Variants in PDE11A observed in about 807,000 individuals in gnomAD.
PDE11A encodes the protein dual 3',5'-cyclic-AMP and -GMP phosphodiesterase 11A.
Under a neutral mutation model 100.5 loss-of-function variants are expected in PDE11A, and 100 were observed. That is an observed-to-expected ratio of 1.00 (90% confidence interval 0.85 to 1.18). The LOEUF is 1.18. PDE11A is among the 50% of genes most tolerant of loss of function. The pLI is 0.00. For missense variants in PDE11A, 1,141 were observed against 1,152.6 expected (o/e 0.99, Z 0.15); for synonymous variants, 381 against 420.8 (o/e 0.91, Z 1.16).
chr2:177,853,303 A>G (rs1366107535), intron 5 of PDE11A, among the ~76,000 whole-genome samples: 1 of 152,102 alleles, frequency 6.6e-6, no homozygotes, highest in African/African-American at 2.4e-5. Context: ...TGAAGGCTGC[A>G]TAGCGCATAG....
chr2:177,847,990 TTGTGTGTG>T (rs749800668), intron 5 of PDE11A, among the ~76,000 whole-genome samples: 1 of 147,810 alleles, frequency 6.8e-6, no homozygotes, highest in African/African-American at 2.4e-5. Flanking sequence ...AATGGTGTGT[TTGTGTGTG>T]TGTGTGTGTG....
chr2:177,931,143 C>T (rs535095223), intron 2 of PDE11A, among the ~76,000 whole-genome samples: 27 of 150,864 alleles, frequency 1.8e-4, no homozygotes, highest in Non-Finnish European at 2.4e-4. Flanking sequence ...ACAACAAGAG[C>T]GAAACTCCGT....
chr2:177,634,554 AT>A (rs1295896874), intron 19 of PDE11A, among the ~76,000 whole-genome samples: 1 of 151,604 alleles, frequency 6.6e-6, no homozygotes, highest in African/African-American at 2.4e-5. Context: ...CGCCTGGCTA[AT>A]TTTTTTGTAT....
At chr2:177,788,122 G>A (rs2082568475) in intron 9 of PDE11A, among the ~76,000 whole-genome samples, 1 of 151,818 alleles carries the variant, frequency 6.6e-6, no homozygotes, top group African/African-American at 2.4e-5. Context: ...TTCCAAAATT[G>A]ACCACATAGT....
At chr2:177,899,637 A>AATATATATATATATATATATATATATAT (rs3037901) in intron 3 of PDE11A, 1 of 203,204 alleles carries the variant, frequency 4.9e-6, no homozygotes, top group African/African-American at 2.5e-5. Flanking sequence ...CAGATTCTTA[A>AATATATATATATATATATATATATATAT]ATATATATAT....
At chr2:177,977,312 C>A (rs939635395) in intron 2 of PDE11A, among the ~76,000 whole-genome samples, 2 of 146,360 alleles carry the variant, frequency 1.4e-5, no homozygotes, top group African/African-American at 5.0e-5. Context: ...AAACAGAGAG[C>A]CAAATCATGG....
intron 2 of PDE11A, among the ~76,000 whole-genome samples, chr2:177,970,110 A>G (rs2085751645): frequency 6.6e-6 from 1 of 152,208 alleles, no homozygotes; most frequent in African/African-American, 2.4e-5. Context: ...AAAAATTCCA[A>G]CGTAAATCAA....
At chr2:177,879,808 A>G (rs2084299707) in intron 4 of PDE11A, among the ~76,000 whole-genome samples, 1 of 152,236 alleles carries the variant, frequency 6.6e-6, no homozygotes, top group East Asian at 1.9e-4. Context: ...TCTTAATGAA[A>G]TGACAGGATG....
chr2:177,780,694 A>G (rs1431745319), intron 9 of PDE11A, among the ~76,000 whole-genome samples: 1 of 152,192 alleles, frequency 6.6e-6, no homozygotes, highest in East Asian at 1.9e-4. Flanking sequence ...TCACACTTTT[A>G]TGTTTTGGAG....
At chr2:178,046,444 C>T (rs2086752289) in intron 1 of PDE11A, among the ~76,000 whole-genome samples, 1 of 152,108 alleles carries the variant, frequency 6.6e-6, no homozygotes, top group African/African-American at 2.4e-5. Flanking sequence ...AGAAAGATAA[C>T]ATTGAGAAAG....
intron 10 of PDE11A, among the ~76,000 whole-genome samples, chr2:177,731,945 C>A (rs1294511533): frequency 6.6e-6 from 1 of 151,966 alleles, no homozygotes. Context: ...TAAAAAAAAC[C>A]TTTATTTTTG....
chr2:177,696,897 C>T (rs956542877), intron 15 of PDE11A, among the ~76,000 whole-genome samples: 2 of 152,104 alleles, frequency 1.3e-5, no homozygotes, highest in Non-Finnish European at 2.9e-5. Context: ...AGAGAAAGCC[C>T]TTCTAAGAAA....
At chr2:178,090,590 C>T (rs575835897) in intron 2 of PDE11A, among the ~76,000 whole-genome samples, 1 of 152,288 alleles carries the variant, frequency 6.6e-6, no homozygotes, top group East Asian at 1.9e-4. Flanking sequence ...TCGGTGCCAC[C>T]AAGTTCATCC....
At chr2:178,049,606 G>A (rs1159462376) in intron 1 of PDE11A, among the ~76,000 whole-genome samples, 2 of 152,152 alleles carry the variant, frequency 1.3e-5, no homozygotes, top group African/African-American at 2.4e-5. Context: ...TCTAGCCCAG[G>A]GAAGCTGTGA....
intron 9 of PDE11A, among the ~76,000 whole-genome samples, chr2:177,788,286 C>T (rs895731058): frequency 6.9e-6 from 1 of 145,696 alleles, no homozygotes; most frequent in Admixed American, 6.7e-5. Flanking sequence ...TCCTGAATGA[C>T]TACTGGGTAC....
chr2:178,013,195 CT>C (rs1228794061), intron 2 of PDE11A, among the ~76,000 whole-genome samples: 4 of 152,124 alleles, frequency 2.6e-5, no homozygotes, highest in Non-Finnish European at 4.4e-5. Context: ...GCTGATGATT[CT>C]TGTCTCCTGC....
intron 10 of PDE11A, among the ~76,000 whole-genome samples, chr2:177,734,759 G>T (rs1488808195): frequency 5.9e-5 from 9 of 152,158 alleles, no homozygotes; most frequent in African/African-American, 2.2e-4. Flanking sequence ...ATGCACACAA[G>T]AGCCTAGCAC....
chr2:177,965,003 TC>T (rs1363045246), intron 2 of PDE11A, among the ~76,000 whole-genome samples: 7 of 152,344 alleles, frequency 4.6e-5, no homozygotes, highest in Non-Finnish European at 8.8e-5. Flanking sequence ...GTATAAGTGT[TC>T]CCTTTTCTCT....
intron 12 of PDE11A, among the ~76,000 whole-genome samples, chr2:177,712,249 G>T (rs1485035885): frequency 6.6e-6 from 1 of 152,108 alleles, no homozygotes; most frequent in Non-Finnish European, 1.5e-5. Context: ...GTTGGAGGTT[G>T]GGGAATAGGA....
Sources: allele counts gnomAD v4.1 joint callset (sites outside exome capture counted in the v4.1 genomes callset), GRCh38; gene constraint gnomAD v4.1.1; transcripts MANE v1.5; gene names NCBI Gene and HGNC (gene_info 2026-07-23, HGNC 2026-07-21).